MUC22: variants seen among roughly 807,000 people sequenced by gnomAD.
The protein encoded by MUC22 is mucin-22.
MUC22 carries 24 observed loss-of-function variants against 40.3 expected under a neutral mutation model. The observed-to-expected ratio is 0.60, with a 90% CI of 0.43 to 0.84. The LOEUF is 0.84. Among genes scored for constraint, MUC22 ranks in the 40% least tolerant of loss-of-function variants. The pLI, the probability that MUC22 is intolerant of heterozygous loss-of-function variation, is 0.00. For missense variants in MUC22, 1,926 were observed against 2,130.7 expected, an observed-to-expected ratio of 0.90 and a Z score of 1.89; for synonymous variants, 765 against 844.5, an observed-to-expected ratio of 0.91 and a Z score of 1.63.
At chr6:31,020,358 G>A (rs1467230809) in intron 1 of MUC22, among the ~76,000 whole-genome samples, 1 of 149,910 alleles carries the variant, frequency 6.7e-6, no homozygotes, top group Non-Finnish European at 1.5e-5. Flanking sequence ...ATTACACGGA[G>A]TAAGAATATT....
intron 1 of MUC22, among the ~76,000 whole-genome samples, chr6:31,017,791 C>T (rs1015470329): frequency 6.6e-6 from 1 of 152,194 alleles, no homozygotes; most frequent in African/African-American, 2.4e-5. Context: ...GATGTGGGTG[C>T]CACCAGATAA....
intron 1 of MUC22, among the ~76,000 whole-genome samples, chr6:31,022,376 C>T (rs913652603): frequency 4.6e-5 from 7 of 152,012 alleles, no homozygotes; most frequent in African/African-American, 7.3e-5. Context: ...TTTGGTTAGG[C>T]TGGTATCGAA....
At chr6:31,026,088 T>C in exon 2 of MUC22, 1 of 1,529,880 alleles carries the variant, frequency 6.5e-7, no homozygotes, top group African/African-American at 1.4e-5. Flanking sequence ...CCACAGCATC[T>C]ACTGCAGGTT....
At position 31,026,673 on chromosome 6, in the gene MUC22, T is replaced by C. The variant is rs1319947603; in HGVS notation, c.1242T>C (p.Ser414=). ...CCACCACAGCCTATACTGCAGATTC[T>C]GAGACCACTGCAGCCTCTACCACAG... The change falls in exon 2 of 4, where the codon TCT becomes TCC. Residue 414 remains serine, a synonymous_variant. Transcript: ENST00000561890. 2.0e-6 allele frequency: 3 copies of C among 1,506,832 alleles called. 1 individual carries two copies. Among genetic ancestry groups the C allele is most frequent in the East Asian group, 4.9e-5 (2 of 40,666 alleles). The allele number at this position is 1,506,832 out of a possible 1,614,324, so 93.3% of individuals were successfully genotyped here.
chr6:31,024,488 G>A (rs1368493068), intron 1 of MUC22, among the ~76,000 whole-genome samples: 1 of 151,988 alleles, frequency 6.6e-6, no homozygotes, highest in Admixed American at 6.6e-5. Flanking sequence ...AAATTAACCA[G>A]AGTATGTTAT....
intron 1 of MUC22, among the ~76,000 whole-genome samples, chr6:31,020,441 C>CTTTTTTTTTTTTTT (rs3084519): frequency 7.0e-4 from 89 of 126,684 alleles, no homozygotes; most frequent in Middle Eastern, 4.2e-3. Flanking sequence ...TGGAAATTGA[C>CTTTTTTTTTTTTTT]TTTTTTTTTT....
At chr6:31,026,933 C>T (rs1765435807) in exon 2 of MUC22, 1 of 1,506,840 alleles carries the variant, frequency 6.6e-7, no homozygotes, top group South Asian at 1.2e-5. Flanking sequence ...GTCTCCACTG[C>T]AGGCTCTGAG....
chr6:31,022,244 A>G (rs552364188), intron 1 of MUC22, among the ~76,000 whole-genome samples: 1 of 152,230 alleles, frequency 6.6e-6, no homozygotes, highest in East Asian at 1.9e-4. Flanking sequence ...CCAATTCCAG[A>G]CACACTGGGT....
At chr6:31,035,109 G>A in exon 4 of MUC22, 1 of 730,190 alleles carries the variant, frequency 1.4e-6, no homozygotes, top group Non-Finnish European at 2.2e-6. Context: ...AGCTTCCCAG[G>A]ATGTGATCCA....
chr6:31,027,616 T>C, exon 2 of MUC22: 1 of 1,527,998 alleles, frequency 6.5e-7, no homozygotes, highest in East Asian at 2.5e-5. Context: ...CAAAACAGCC[T>C]ATACTACAGG....
chr6:31,018,537 T>C (rs1764433421), intron 1 of MUC22, among the ~76,000 whole-genome samples: 1 of 152,264 alleles, frequency 6.6e-6, no homozygotes, highest in African/African-American at 2.4e-5. Flanking sequence ...AAATATCTCC[T>C]CTGCTGTTAT....
upstream of MUC22, among the ~76,000 whole-genome samples, chr6:31,006,676 C>T (rs1259961603): frequency 1.3e-5 from 2 of 148,546 alleles, no homozygotes; most frequent in African/African-American, 2.5e-5. Flanking sequence ...ATTAATTAGA[C>T]ATACTGTGAT....
upstream of MUC22, among the ~76,000 whole-genome samples, chr6:31,007,023 G>A (rs1763566599): frequency 6.6e-6 from 1 of 152,118 alleles, no homozygotes; most frequent in Non-Finnish European, 1.5e-5. This position sits in a 1 kb window ranked among gnomAD's most constrained non-coding sequence, Gnocchi z 4.0. Flanking sequence ...GGATAATGAT[G>A]AGTATTGAGA....
At chr6:31,029,832 A>T (rs768495283) in exon 2 of MUC22, 1 of 1,470,236 alleles carries the variant, frequency 6.8e-7, no homozygotes, top group East Asian at 2.6e-5. Flanking sequence ...AGACCAACAC[A>T]GCCTGTACCA....
At chr6:31,013,333 C>CCCAGGTTGCCCAGGTTGT (rs1420018879) in intron 1 of MUC22, among the ~76,000 whole-genome samples, 1 of 151,776 alleles carries the variant, frequency 6.6e-6, no homozygotes, top group Non-Finnish European at 1.5e-5. Context: ...CATTGTGTTG[C>CCCAGGTTGCCCAGGTTGT]CCAGGCTGGA....
At chr6:31,013,914 C>T (rs2150745532) in intron 1 of MUC22, among the ~76,000 whole-genome samples, 1 of 152,202 alleles carries the variant, frequency 6.6e-6, no homozygotes, top group South Asian at 2.1e-4. Context: ...TATTGTCTTC[C>T]TTCTAATGAA....
chr6:31,022,396 A>C (rs75059862), intron 1 of MUC22, among the ~76,000 whole-genome samples: 18,191 of 152,002 alleles, frequency 0.12, 1,278 homozygotes, highest in African/African-American at 0.17. Context: ...ACTCCTGGTG[A>C]TCTGCCTGCC....
At chr6:31,034,810 G>A (rs1766330974) in exon 4 of MUC22, 1 of 1,535,584 alleles carries the variant, frequency 6.5e-7, no homozygotes, top group African/African-American at 1.4e-5. Context: ...TCATGGAGGA[G>A]AACTTGAAAT....
rs1235167486 is a variant in MUC22 at position 31,027,591 on chromosome 6, C to T, written c.2160C>T (p.Thr720=). Residue 720 remains threonine (T), a synonymous_variant, in exon 2 of 4, where the codon ACC becomes ACT. Transcript: ENST00000561890. ...GTTCTGAGACCACTACAGTCACTAC[C>T]GCAGGCTCTGAGACCAAAACAGCCT... The T allele has an allele frequency of 9.7e-5, 148 of 1,525,566 alleles. No individual in the cohort carries two copies. In the Admixed American group the frequency reaches 2.4e-3, roughly 24 times the overall value. The allele number at this position is 1,525,566 out of a possible 1,614,324, so 94.5% of individuals were successfully genotyped here. A position where few individuals can be genotyped will look rare whatever the true frequency, so the allele number is the denominator to read the frequency against.
Sources: gnomAD v4.1 joint callset for allele counts (sites outside exome capture counted in the v4.1 genomes callset) on GRCh38, gnomAD v4.1.1 for gene constraint, Gnocchi (gnomAD v3.1) non-coding constraint, MANE v1.5 for transcripts, NCBI Gene and HGNC (gene_info 2026-07-23, HGNC 2026-07-21) for gene names.